The following RNLS variants were observed in gnomAD, a reference collection of about 807,000 sequenced individuals.
RNLS encodes the protein renalase.
A neutral mutation model predicts 39.8 loss-of-function variants in RNLS; 39 were observed. That is an observed-to-expected ratio of 0.98 (90% CI 0.76 to 1.28). The LOEUF is 1.28. RNLS is among the 50% of genes most tolerant of loss of function. The probability of loss-of-function intolerance (pLI) is 0.00; values close to 1 mark genes in which losing one functional copy is unlikely to be tolerated. For synonymous variants in RNLS, 147 were observed against 150.7 expected (o/e 0.98, Z 0.18); for missense variants, 410 against 413.3 (o/e 0.99, Z 0.07).
intron 4 of RNLS, among the ~76,000 whole-genome samples, chr10:88,402,735 A>C (rs985884445): frequency 2.6e-5 from 4 of 152,020 alleles, no homozygotes; most frequent in Admixed American, 2.6e-4. Flanking sequence ...ATCTTATAGA[A>C]TGTTCCTGAG....
At chr10:88,228,983 C>T in the RNLS span, among the ~76,000 whole-genome samples, 1 of 152,192 alleles carries the variant, frequency 6.6e-6, no homozygotes, top group South Asian at 2.1e-4. Flanking sequence ...CTTCAGCCTT[C>T]AGCTCTGAGC....
At chr10:88,236,125 T>C in the RNLS span, among the ~76,000 whole-genome samples, 23 of 152,364 alleles carry the variant, frequency 1.5e-4, no homozygotes, top group African/African-American at 4.8e-4. Context: ...TTCTAAAATA[T>C]TCTGAAGAAA....
At chr10:88,494,676 T>G (rs1264453439) in intron 4 of RNLS, among the ~76,000 whole-genome samples, 3 of 152,026 alleles carry the variant, frequency 2.0e-5, no homozygotes, top group Non-Finnish European at 4.4e-5. Context: ...AGGAGATATA[T>G]CAGAAGAGGA....
In RNLS at chr10:88,351,721, T is replaced by A. The variant is rs576266888; in HGVS notation, c.700+10831A>T. On this transcript the variant is annotated intron_variant, in intron 5 of 6. Transcript: ENST00000331772. ...TGGTTCCATATGAACTTTAAAGTAG[T>A]TTTTTCCAATTCTGTGAAGAAAGTC... is the stretch of plus-strand genomic sequence containing the variant. Among the ~76,000 whole-genome samples, 824 of 152,302 alleles carry A rather than the reference T, an allele frequency of 5.4e-3. 13 individuals carry two copies. The highest frequency in any genetic ancestry group is 6.8e-3 in the Middle Eastern group (2 of 294).
chr10:88,228,628 ATCT>A, the RNLS span, among the ~76,000 whole-genome samples: 2 of 152,146 alleles, frequency 1.3e-5, no homozygotes, highest in East Asian at 1.9e-4. Context: ...TCCAACCCAC[ATCT>A]TCTCAAATCT....
At chr10:88,524,166 C>G (rs1846935096) in intron 4 of RNLS, among the ~76,000 whole-genome samples, 1 of 152,012 alleles carries the variant, frequency 6.6e-6, no homozygotes, top group South Asian at 2.1e-4. Flanking sequence ...ATCCTCTTTC[C>G]CTGGCTATAG....
At chr10:88,468,482 G>A (rs775785662) in intron 4 of RNLS, among the ~76,000 whole-genome samples, 2 of 152,122 alleles carry the variant, frequency 1.3e-5, no homozygotes, top group Non-Finnish European at 2.9e-5. Context: ...CCCTGGATTG[G>A]TAAGTGGCAT....
At chr10:88,174,694 C>T in the RNLS span, among the ~76,000 whole-genome samples, 1 of 152,170 alleles carries the variant, frequency 6.6e-6, no homozygotes, top group Admixed American at 6.5e-5. Context: ...CAGCTACGTT[C>T]ATCAGGCATA....
chr10:88,314,388 A>T (rs11202711), intron 6 of RNLS, 78 bp downstream of exon 6: 1 of 1,430,888 alleles, frequency 7.0e-7, no homozygotes, highest in Non-Finnish European at 9.6e-7. Flanking sequence ...AGAGAGTGCA[A>T]AGGATAAAGA....
downstream of RNLS, among the ~76,000 whole-genome samples, chr10:88,280,200 G>C (rs192312940): frequency 6.6e-6 from 1 of 152,050 alleles, no homozygotes; most frequent in South Asian, 2.1e-4. Flanking sequence ...TTATATGAAC[G>C]TAAGCCTCAC....
Position 88,284,193 on chromosome 10 carries a change from G to T in RNLS, c.*1161C>A. ...TAAAACCCACTTTGCAGCTATAGAA[G>T]CAAGTTCTGCCTGTGCCTGTGTATG... On this transcript the variant is annotated 3_prime_UTR_variant, in exon 7 of 7. Coordinates refer to ENST00000331772, the MANE Select transcript of RNLS (RefSeq NM_001031709.3). 12 of 985,280 alleles carry T rather than the reference G, an allele frequency of 1.2e-5. No individual in the cohort carries two copies. The highest frequency in any genetic ancestry group is 1.4e-5 in the Non-Finnish European group (12 of 829,834). 61.0% of individuals were successfully genotyped at this position (985,280 alleles called of 1,614,324 possible).
intron 6 of RNLS, among the ~76,000 whole-genome samples, chr10:88,291,239 A>T (rs920098447): frequency 6.6e-6 from 1 of 152,204 alleles, no homozygotes; most frequent in Admixed American, 6.6e-5. Flanking sequence ...GTTAAGTAGC[A>T]TTGTTGCTGT....
At chr10:88,255,122 T>A in the RNLS span, among the ~76,000 whole-genome samples, 1 of 152,200 alleles carries the variant, frequency 6.6e-6, no homozygotes, top group Admixed American at 6.5e-5. Flanking sequence ...GGAAGACCTG[T>A]GTTGAGTCAG....
intron 4 of RNLS, among the ~76,000 whole-genome samples, chr10:88,444,769 G>C (rs147353728): frequency 6.6e-6 from 1 of 152,208 alleles, no homozygotes; most frequent in Admixed American, 6.5e-5. Context: ...GAAGTTTAGA[G>C]AAAAAAGAGT....
At chr10:88,272,716 C>T (rs927760250), downstream of RNLS, among the ~76,000 whole-genome samples, 1 of 152,114 alleles carries the variant, frequency 6.6e-6, no homozygotes, top group East Asian at 1.9e-4. Flanking sequence ...CAACCCCAGC[C>T]GTGCCTCCCT....
At chr10:88,555,910 C>CT (rs1406342211) in intron 4 of RNLS, among the ~76,000 whole-genome samples, 5 of 152,126 alleles carry the variant, frequency 3.3e-5, no homozygotes, top group African/African-American at 1.2e-4. Flanking sequence ...CAATCTTGGA[C>CT]CTCATCCAGT....
intron 4 of RNLS, among the ~76,000 whole-genome samples, chr10:88,451,200 G>T (rs150090290): frequency 3.9e-5 from 6 of 152,286 alleles, no homozygotes; most frequent in African/African-American, 1.4e-4. Context: ...CTGCCTAGCA[G>T]GAAGAAAGAT....
chr10:88,401,773 T>G (rs1230184994), intron 4 of RNLS, among the ~76,000 whole-genome samples: 5 of 152,010 alleles, frequency 3.3e-5, no homozygotes, highest in African/African-American at 4.8e-5. Flanking sequence ...AGACAACATC[T>G]AAAGCAAAAT....
At chr10:88,316,354 C>T (rs1006679855) in intron 5 of RNLS, among the ~76,000 whole-genome samples, 2 of 152,156 alleles carry the variant, frequency 1.3e-5, no homozygotes, top group African/African-American at 2.4e-5. Context: ...AGAATACCAC[C>T]ACAGTGAGAA....
Sources: gnomAD v4.1 joint callset for allele counts (sites outside exome capture counted in the v4.1 genomes callset) on GRCh38, gnomAD v4.1.1 for gene constraint, MANE v1.5 for transcripts, NCBI Gene and HGNC (gene_info 2026-07-23, HGNC 2026-07-21) for gene names.